Variants in PTPRD observed in about 807,000 individuals in gnomAD.
PTPRD encodes the protein receptor-type tyrosine-protein phosphatase delta.
In PTPRD, 34 loss-of-function variants were observed where a neutral mutation model predicts 214.5. The ratio of observed to expected loss-of-function variants is 0.16; its 90% confidence interval spans 0.12 to 0.21. The LOEUF (loss-of-function observed/expected upper bound fraction) is 0.21, where lower values mean the gene tolerates loss of function less well. Among genes scored for constraint, PTPRD ranks in the 10% least tolerant of loss-of-function variants. The pLI, the probability that PTPRD is intolerant of heterozygous loss-of-function variation, is 1.00. For missense variants in PTPRD, 2,545 were observed against 2,398.7 expected (o/e 1.06, Z -1.27); for synonymous variants, 1,128 against 845.7 (o/e 1.33, Z -5.79).
chr9:10,224,782 G>A (rs141694631), intron 3 of PTPRD, among the ~76,000 whole-genome samples: 2 of 151,844 alleles, frequency 1.3e-5, no homozygotes, highest in South Asian at 2.1e-4. Flanking sequence ...AGCCAACTCA[G>A]TATGAACACA....
rs561289715 is a variant in PTPRD, at chr9:10,356,939, C to T, written c.-599-15922G>A. Among the ~76,000 whole-genome samples the T allele has an allele frequency of 4.6e-5, 7 of 152,170 alleles. No homozygotes were observed. The South Asian group carries it at 1.5e-3, about 32-fold the overall frequency. On this transcript the variant is annotated intron_variant, in intron 2 of 45. Transcript: ENST00000381196. ...CAGGTGATCCACCCACCTCGGCCTC[C>T]CAAAGTGCTGGGATTACAAGTGTGA...
intron 9 of PTPRD, among the ~76,000 whole-genome samples, chr9:9,315,298 A>G (rs368225240): frequency 6.6e-6 from 1 of 151,978 alleles, no homozygotes; most frequent in African/African-American, 2.4e-5. Flanking sequence ...GGGAGTTACA[A>G]CTTATTGAAT....
At chr9:8,703,767 T>A (rs150916407) in intron 12 of PTPRD, among the ~76,000 whole-genome samples, 6 of 152,152 alleles carry the variant, frequency 3.9e-5, no homozygotes, top group Non-Finnish European at 8.8e-5. Flanking sequence ...CAAGAGAATA[T>A]CCCCAGCCCA....
At chr9:8,563,460 CAG>C (rs1457036151) in intron 14 of PTPRD, among the ~76,000 whole-genome samples, 1 of 131,320 alleles carries the variant, frequency 7.6e-6, no homozygotes, top group Admixed American at 8.6e-5. Context: ...TTTTTTGAGA[CAG>C]AGTCTTGCAC....
rs887287310 is a variant in PTPRD, at chr9:9,833,175, G to A, written c.-367-66324C>T. 8.6e-5 allele frequency among the ~76,000 whole-genome samples: 13 copies of A among 151,886 alleles called. 1 individual carries two copies. The stretch of plus-strand genomic sequence containing the variant: ...ACAATCTGTTAAGGGTTCTATCAGG[G>A]GACCTGCCCCGATAATCACATAGGT... On this transcript the variant is annotated intron_variant, in intron 5 of 45. Transcript: ENST00000381196.
chr9:9,289,391 T>A (rs1239556752), intron 9 of PTPRD, among the ~76,000 whole-genome samples: 2 of 151,902 alleles, frequency 1.3e-5, no homozygotes, highest in African/African-American at 4.8e-5. Context: ...ATTCAATGTG[T>A]ACAATGTGAT....
intron 9 of PTPRD, among the ~76,000 whole-genome samples, chr9:9,229,034 T>C (rs942878733): frequency 6.6e-6 from 1 of 152,144 alleles, no homozygotes; most frequent in Non-Finnish European, 1.5e-5. Context: ...ATAATTTTAA[T>C]GTGGGTCATT....
intron 11 of PTPRD, among the ~76,000 whole-genome samples, chr9:8,938,204 A>G (rs547294847): frequency 6.6e-6 from 1 of 152,240 alleles, no homozygotes; most frequent in South Asian, 2.1e-4. Context: ...AGCTATTAAA[A>G]GTGCATTATC....
intron 2 of PTPRD, among the ~76,000 whole-genome samples, chr9:10,484,730 A>G (rs1461011971): frequency 1.3e-5 from 2 of 151,848 alleles, no homozygotes; most frequent in Admixed American, 1.3e-4. Context: ...ATTTTTTCCT[A>G]TATAGTTGTT....
chr9:9,964,272 C>G (rs1160064852), intron 4 of PTPRD, among the ~76,000 whole-genome samples: 3 of 152,114 alleles, frequency 2.0e-5, no homozygotes, highest in Non-Finnish European at 1.5e-5. Context: ...GCTACTAGGA[C>G]AAGAAAGAAT....
chr9:9,364,519 T>C lies in PTPRD; in HGVS notation c.-203+32930A>G, dbSNP rs146436861. Among the ~76,000 whole-genome samples, 14 of 151,576 alleles carry C rather than the reference T, an allele frequency of 9.2e-5. No homozygotes were observed. The East Asian group carries it at 2.5e-3, about 27-fold the overall frequency. On this transcript the variant is annotated intron_variant, in intron 9 of 45. Transcript: ENST00000381196. ...AAATTGTTGAATGGTATGAGGCAGC[T>C]ATCCCTGCACATATACGAGGGAAGA...
intron 11 of PTPRD, among the ~76,000 whole-genome samples, chr9:8,882,340 A>G (rs1355699481): frequency 1.3e-5 from 2 of 152,162 alleles, no homozygotes; most frequent in African/African-American, 2.4e-5. Context: ...TGTTTTACAG[A>G]TTGCAAAATT....
intron 10 of PTPRD, among the ~76,000 whole-genome samples, chr9:9,079,928 C>A (rs950560786): frequency 2.6e-5 from 4 of 152,012 alleles, no homozygotes; most frequent in African/African-American, 9.7e-5. Flanking sequence ...TTAGTTTCTA[C>A]TGATGTTTAA....
intron 11 of PTPRD, among the ~76,000 whole-genome samples, chr9:8,754,012 G>A (rs2093762133): frequency 6.6e-6 from 1 of 152,132 alleles, no homozygotes; most frequent in South Asian, 2.1e-4. Context: ...TGGCATGGTG[G>A]CACATGCCTG....
chr9:8,815,076 C>G (rs1341862125), intron 11 of PTPRD, among the ~76,000 whole-genome samples: 1 of 151,798 alleles, frequency 6.6e-6, no homozygotes, highest in African/African-American at 2.4e-5. Flanking sequence ...TCATATCTCA[C>G]ATTTAAAGGT....
At chr9:9,985,583 C>T (rs1029152635) in intron 4 of PTPRD, among the ~76,000 whole-genome samples, 1 of 152,046 alleles carries the variant, frequency 6.6e-6, no homozygotes, top group South Asian at 2.1e-4. Context: ...TATTCATAAT[C>T]CAAACAACTG....
chr9:8,589,250 C>T (rs2154262171), intron 14 of PTPRD, among the ~76,000 whole-genome samples: 1 of 152,264 alleles, frequency 6.6e-6, no homozygotes, highest in East Asian at 1.9e-4. Flanking sequence ...TCAGGAAGCT[C>T]AACATATACC....
At chr9:9,103,219 A>C (rs749636211) in intron 10 of PTPRD, among the ~76,000 whole-genome samples, 1 of 152,108 alleles carries the variant, frequency 6.6e-6, no homozygotes, top group Non-Finnish European at 1.5e-5. Flanking sequence ...CTAATGTCTT[A>C]CTTCCAGACA....
At chr9:9,135,567 GA>G (rs1415130601) in intron 10 of PTPRD, among the ~76,000 whole-genome samples, 1 of 152,134 alleles carries the variant, frequency 6.6e-6, no homozygotes, top group African/African-American at 2.4e-5. Context: ...TACATTCCCA[GA>G]AGGTGGCTAA....
Sources: allele counts gnomAD v4.1 joint callset (sites outside exome capture counted in the v4.1 genomes callset), GRCh38; gene constraint gnomAD v4.1.1; transcripts MANE v1.5; gene names NCBI Gene and HGNC (gene_info 2026-07-23, HGNC 2026-07-21).